Variants in PITPNM2 observed in about 807,000 individuals in gnomAD.
PITPNM2 encodes the protein membrane-associated phosphatidylinositol transfer protein 2.
PITPNM2 carries 35 observed loss-of-function variants against 132.2 expected under a neutral mutation model. That is an observed-to-expected ratio of 0.26 (90% CI 0.20 to 0.35). The LOEUF (loss-of-function observed/expected upper bound fraction) is 0.35, where lower values mean the gene tolerates loss of function less well. Among genes scored for constraint, PITPNM2 ranks in the 10% least tolerant of loss-of-function variants. The probability of loss-of-function intolerance (pLI) is 1.00; values close to 1 mark genes in which losing one functional copy is unlikely to be tolerated. For synonymous variants in PITPNM2, 738 were observed against 799.2 expected (o/e 0.92, Z 1.29); for missense variants, 1,332 against 1,912.0 (o/e 0.70, Z 5.66).
At chr12:123,034,478 C>T (rs1381713055) in intron 3 of PITPNM2, 35 bp downstream of exon 3, 1 of 1,598,988 alleles carries the variant, frequency 6.3e-7, no homozygotes, top group African/African-American at 1.3e-5. Context: ...GCGACCCACC[C>T]TCACCCCATG....
At position 123,009,679 on chromosome 12, in the gene PITPNM2, C is replaced by A. The variant is rs2039096990; in HGVS notation, c.643+171G>T. 6.6e-6 allele frequency among the ~76,000 whole-genome samples: 1 copy of A among 152,210 alleles called. No individual in the cohort carries two copies. Among genetic ancestry groups the A allele is most frequent in the African/African-American group, 2.4e-5 (1 of 41,452 alleles). ...CATGGATGTTCAAGATAACCCATGG[C>A]TGGCGGGTAGTGGGGAAGCTGGACA... On this transcript the variant is annotated intron_variant, in intron 6 of 25. Transcript: ENST00000320201. The surrounding 1 kb of genome is among the most constrained non-coding windows in gnomAD (Gnocchi z 4.8).
At position 123,099,241 on chromosome 12, in the gene PITPNM2, A is replaced by C. The variant is rs1167682345; in HGVS notation, c.-96+11144T>G. Among the ~76,000 whole-genome samples, 3 of 152,162 alleles carry C rather than the reference A, an allele frequency of 2.0e-5. No homozygotes were observed. Among genetic ancestry groups the C allele is most frequent in the African/African-American group, 7.2e-5 (3 of 41,436 alleles). Reference sequence around the variant, plus strand: ...CAGAACTGTCGATTTTGCTGAAAAAAAAAATATATATCTTTTTTTTTAAAG... The same window carrying C: ...CAGAACTGTCGATTTTGCTGAAAAACAAAATATATATCTTTTTTTTTAAAG... On this transcript the variant is annotated intron_variant, in intron 2 of 25. Coordinates refer to ENST00000320201, the MANE Select transcript of PITPNM2 (RefSeq NM_020845.3). The surrounding 1 kb of genome is among the most constrained non-coding windows in gnomAD (Gnocchi z 4.2).
intron 16 of PITPNM2, among the ~76,000 whole-genome samples, chr12:122,991,459 G>C (rs1363510564): frequency 6.6e-6 from 1 of 152,220 alleles, no homozygotes; most frequent in Non-Finnish European, 1.5e-5. Flanking sequence ...GCCTCAGTCT[G>C]CTTCTGGCAG....
chr12:123,079,686 G>A (rs2041900615), intron 2 of PITPNM2, among the ~76,000 whole-genome samples: 1 of 152,120 alleles, frequency 6.6e-6, no homozygotes, highest in African/African-American at 2.4e-5. Context: ...TCAAGCATAT[G>A]GCAAAGTTGA....
At chr12:123,134,439 T>C (rs1003530350) in intron 1 of PITPNM2, among the ~76,000 whole-genome samples, 2 of 151,716 alleles carry the variant, frequency 1.3e-5, no homozygotes, top group African/African-American at 4.8e-5. Context: ...CCTGCAAGAG[T>C]CTGCGGCGGT....
intron 2 of PITPNM2, among the ~76,000 whole-genome samples, chr12:123,085,636 G>A (rs888184251): frequency 1.3e-4 from 19 of 151,970 alleles, no homozygotes; most frequent in African/African-American, 4.1e-4. Context: ...TGAACTATAC[G>A]CATAAAAGTG....
At position 123,106,356 on chromosome 12, in the gene PITPNM2, CCAGCCTGGGTGG is replaced by C. The variant is rs1163417140; in HGVS notation, c.-96+4017_-96+4028del. Among the ~76,000 whole-genome samples the C allele has an allele frequency of 6.6e-6, 1 of 152,000 alleles. No homozygotes were observed. Among genetic ancestry groups the C allele is most frequent in the South Asian group, 2.1e-4 (1 of 4,812 alleles). ...TGAGCCATGATCACACCACTGCACTCCAGCCTGGGTGGCAGAGCAAGACTCCATCTCTAAAAT... is the reference window on the plus strand; with the variant it reads ...TGAGCCATGATCACACCACTGCACTCCAGAGCAAGACTCCATCTCTAAAAT... On this transcript the variant is annotated intron_variant, in intron 2 of 25. Coordinates refer to ENST00000320201, the MANE Select transcript of PITPNM2 (RefSeq NM_020845.3). The surrounding 1 kb of genome is among the most constrained non-coding windows in gnomAD (Gnocchi z 4.4).
At chr12:123,088,703 G>A (rs556354370) in intron 2 of PITPNM2, 2 of 152,134 alleles carry the variant, frequency 1.3e-5, no homozygotes, top group African/African-American at 2.4e-5. Flanking sequence ...GCAAACTTTC[G>A]AGAAGTTCAG....
intron 1 of PITPNM2, among the ~76,000 whole-genome samples, chr12:123,137,851 C>T (rs1008061570): frequency 3.3e-5 from 5 of 150,124 alleles, no homozygotes; most frequent in Non-Finnish European, 1.5e-5. Flanking sequence ...CAAGATCACA[C>T]CACTGTACTC....
intron 1 of PITPNM2, among the ~76,000 whole-genome samples, chr12:123,119,823 G>A (rs1386989351): frequency 1.4e-5 from 2 of 147,776 alleles, no homozygotes; most frequent in Non-Finnish European, 3.0e-5. Flanking sequence ...TTGGGGTGTT[G>A]AGTGGCTTGT....
In PITPNM2 at chr12:122,995,568, A is replaced by G. The variant is rs754803626; in HGVS notation, c.1875T>C (p.Gly625=). The change falls in exon 14 of 26, where the codon GGT becomes GGC. Residue 625 remains glycine (G), a synonymous_variant. Transcript: ENST00000320201. The part of the protein sequence containing the change: ...GGGGGGGGSS[G]GGGSSGGSSL... ...TGGAGCCACCACTACTGCCACCACCACCACTGCTGCCACCACCGCCACCGC... is the reference window on the plus strand; with the variant it reads ...TGGAGCCACCACTACTGCCACCACCGCCACTGCTGCCACCACCGCCACCGC... 2 of 1,607,426 alleles carry G rather than the reference A, an allele frequency of 1.2e-6. No individual in the cohort carries two copies. The highest frequency in any genetic ancestry group is 1.7e-5 in the Admixed American group (1 of 59,960).
chr12:123,132,345 C>T (rs1014646792), intron 1 of PITPNM2, among the ~76,000 whole-genome samples: 1 of 152,248 alleles, frequency 6.6e-6, no homozygotes, highest in South Asian at 2.1e-4. Context: ...GAGCTCTCAG[C>T]TGGGCCACAG....
rs1357199977 is a variant in PITPNM2 at position 123,106,306 on chromosome 12, T to C, written c.-96+4079A>G. Among the ~76,000 whole-genome samples, 1 of 151,902 alleles carries C rather than the reference T, an allele frequency of 6.6e-6. No homozygotes were observed. Among genetic ancestry groups the C allele is most frequent in the African/African-American group, 2.4e-5 (1 of 41,318 alleles). On this transcript the variant is annotated intron_variant, in intron 2 of 25. Transcript: ENST00000320201. The surrounding 1 kb of genome is among the most constrained non-coding windows in gnomAD (Gnocchi z 4.4). Reference sequence around the variant, plus strand: ...AGGAGGCTGAGGTGGGAGGACTGCTTAAGCCCAGGAATTCAAGGCTGCAGT... The same window carrying C: ...AGGAGGCTGAGGTGGGAGGACTGCTCAAGCCCAGGAATTCAAGGCTGCAGT...
intron 3 of PITPNM2, among the ~76,000 whole-genome samples, chr12:123,027,150 G>C (rs751884642): frequency 2.6e-5 from 4 of 151,874 alleles, no homozygotes; most frequent in Admixed American, 6.6e-5. Flanking sequence ...GGTGGGGCAG[G>C]TGGAGTCCTC....
chr12:123,112,469 C>T (rs150241434), intron 1 of PITPNM2, among the ~76,000 whole-genome samples: 98 of 152,062 alleles, frequency 6.4e-4, no homozygotes, highest in African/African-American at 2.1e-3. Context: ...AATAATACAT[C>T]GTGTTGCTGT....
rs578245163 is a variant in PITPNM2 at position 123,042,489 on chromosome 12, G to C, written c.-95-7804C>G. On this transcript the variant is annotated intron_variant, in intron 2 of 25. Transcript: ENST00000320201. Reference sequence around the variant, plus strand: ...TTTAGTGAGGCTGTGCAAAGTTAAGGGGGGATGGAATCCATCCCAACGCAG... The same window carrying C: ...TTTAGTGAGGCTGTGCAAAGTTAAGCGGGGATGGAATCCATCCCAACGCAG... 4.8e-4 allele frequency among the ~76,000 whole-genome samples: 73 copies of C among 152,244 alleles called. No homozygotes were observed. In the South Asian group the frequency reaches 9.5e-3, roughly 20 times the overall value.
intron 2 of PITPNM2, among the ~76,000 whole-genome samples, chr12:123,040,931 G>T (rs552628905): frequency 2.0e-5 from 3 of 152,310 alleles, no homozygotes; most frequent in African/African-American, 7.2e-5. Flanking sequence ...GCTGGAGAGG[G>T]TTCCATCAGA....
rs78333791 is a variant in PITPNM2 at position 123,035,310 on chromosome 12, C to A, written c.-95-625G>T. Among the ~76,000 whole-genome samples, 60 of 152,262 alleles carry A rather than the reference C, an allele frequency of 3.9e-4. No individual in the cohort carries two copies. In the East Asian group the frequency reaches 0.011, roughly 27 times the overall value. Reference sequence around the variant, plus strand: ...AGATAAGCAGAGAGTGTGCTCATAGCCACCTCTATTTAAGTGACAAAGAAT... The same window carrying A: ...AGATAAGCAGAGAGTGTGCTCATAGACACCTCTATTTAAGTGACAAAGAAT... On this transcript the variant is annotated intron_variant, in intron 2 of 25. Transcript: ENST00000320201.
chr12:123,043,117 G>C (rs975386299), intron 2 of PITPNM2, among the ~76,000 whole-genome samples: 1 of 151,928 alleles, frequency 6.6e-6, no homozygotes, highest in African/African-American at 2.4e-5. Flanking sequence ...TTTGAAGAAA[G>C]GATTTCTGGG....
Sources: allele counts gnomAD v4.1 joint callset (sites outside exome capture counted in the v4.1 genomes callset), GRCh38; gene constraint gnomAD v4.1.1; non-coding constraint Gnocchi (gnomAD v3.1); transcripts MANE v1.5; gene names NCBI Gene and HGNC (gene_info 2026-07-23, HGNC 2026-07-21).